Variants in TMEM87B observed in about 807,000 individuals in gnomAD.
TMEM87B encodes transmembrane protein 87B.
Under a neutral mutation model 80.3 loss-of-function variants are expected in TMEM87B, and 83 were observed. That is an observed-to-expected ratio of 1.03 (90% CI 0.87 to 1.24). The LOEUF is 1.24. TMEM87B is among the 50% of genes most tolerant of loss of function. TMEM87B has a pLI of 0.00. For synonymous variants in TMEM87B, 219 were observed against 230.5 expected (o/e 0.95, Z 0.45); for missense variants, 625 against 674.4 (o/e 0.93, Z 0.81).
At chr2:112,060,742 G>A (rs899351247) in intron 2 of TMEM87B, among the ~76,000 whole-genome samples, 1 of 151,926 alleles carries the variant, frequency 6.6e-6, no homozygotes, top group African/African-American at 2.4e-5. Context: ...TCACCATGTT[G>A]GCCAGGCTGG....
At chr2:112,059,384 AG>A (rs1350211147) in intron 1 of TMEM87B, among the ~76,000 whole-genome samples, 1 of 151,648 alleles carries the variant, frequency 6.6e-6, no homozygotes, top group Non-Finnish European at 1.5e-5. Flanking sequence ...TGGGCTTTGA[AG>A]GGTGAGAAGG....
At chr2:112,101,133 T>G (rs775321313) in intron 15 of TMEM87B, among the ~76,000 whole-genome samples, 1 of 152,200 alleles carries the variant, frequency 6.6e-6, no homozygotes, top group African/African-American at 2.4e-5. Flanking sequence ...TACATAGCAT[T>G]TTATCATTTT....
chr2:112,113,442 G>C (rs1679975694), intron 18 of TMEM87B, among the ~76,000 whole-genome samples: 1 of 152,344 alleles, frequency 6.6e-6, no homozygotes. Flanking sequence ...ACGAGTGGAG[G>C]GAAGTTAGTG....
intron 18 of TMEM87B, 55 bp from the exon 19 acceptor site, chr2:112,116,029 G>A: frequency 6.8e-7 from 1 of 1,464,114 alleles, no homozygotes; most frequent in South Asian, 1.2e-5. Flanking sequence ...ATTTTTGTTA[G>A]GGTTCTGGAA....
chr2:112,107,319 C>T (rs1462460452), intron 16 of TMEM87B, among the ~76,000 whole-genome samples: 2 of 144,872 alleles, frequency 1.4e-5, no homozygotes, highest in Non-Finnish European at 3.0e-5. Context: ...GATCACACCG[C>T]TGCACTCCAG....
At chr2:112,090,106 T>C (rs966905215) in intron 10 of TMEM87B, among the ~76,000 whole-genome samples, 2 of 152,220 alleles carry the variant, frequency 1.3e-5, no homozygotes, top group African/African-American at 2.4e-5. Context: ...CAGGTATACA[T>C]ACAGTACATT....
chr2:112,103,083 A>G (rs1466781584), intron 15 of TMEM87B, among the ~76,000 whole-genome samples: 1 of 152,238 alleles, frequency 6.6e-6, no homozygotes, highest in Non-Finnish European at 1.5e-5. Flanking sequence ...GAAAAGAAAA[A>G]GTACGGTAGA....
chr2:112,087,997 C>G (rs1679196656), intron 9 of TMEM87B, among the ~76,000 whole-genome samples: 1 of 152,232 alleles, frequency 6.6e-6, no homozygotes, highest in South Asian at 2.1e-4. Context: ...TCCTCTGCTG[C>G]ACCCTCCTGT....
chr2:112,095,079 C>A (rs1679417964), intron 11 of TMEM87B: 1 of 731,496 alleles, frequency 1.4e-6, no homozygotes, highest in African/African-American at 1.9e-5. Context: ...AATTCAAAAG[C>A]CATAGCCTTA....
At chr2:112,083,455 A>G (rs1166441381) in intron 8 of TMEM87B, among the ~76,000 whole-genome samples, 4 of 152,258 alleles carry the variant, frequency 2.6e-5, no homozygotes, top group Non-Finnish European at 5.9e-5. Context: ...AGTGCTCAGT[A>G]GCCACAGGTG....
chr2:112,069,200 A>G lies in TMEM87B; in HGVS notation c.450+2133A>G, dbSNP rs184623985. The stretch of plus-strand genomic sequence containing the variant: ...GGCGACAGAGCGAGACTCCGTCTCA[A>G]AAAAAAAAAAAAAAAAAAAAACTCA... On this transcript the variant is annotated intron_variant, in intron 4 of 18. Coordinates refer to ENST00000283206, the MANE Select transcript of TMEM87B (RefSeq NM_032824.3). Among the ~76,000 whole-genome samples the G allele has an allele frequency of 2.1e-3, 306 of 147,598 alleles. 1 individual carries two copies. The highest frequency in any genetic ancestry group is 7.4e-3 in the African/African-American group (295 of 40,014).
At chr2:112,096,081 A>T (rs1393247985) in intron 11 of TMEM87B, among the ~76,000 whole-genome samples, 1 of 150,716 alleles carries the variant, frequency 6.6e-6, no homozygotes, top group Non-Finnish European at 1.5e-5. Flanking sequence ...TCCCCACTGG[A>T]CTTAGGTAAG....
At chr2:112,068,493 A>G (rs1377431277) in intron 4 of TMEM87B, among the ~76,000 whole-genome samples, 1 of 152,166 alleles carries the variant, frequency 6.6e-6, no homozygotes, top group East Asian at 1.9e-4. Flanking sequence ...TCATGAGGTC[A>G]GGAGATCGAG....
At chr2:112,066,478 A>G (rs1355474072) in intron 3 of TMEM87B, among the ~76,000 whole-genome samples, 1 of 152,222 alleles carries the variant, frequency 6.6e-6, no homozygotes, top group Non-Finnish European at 1.5e-5. Context: ...GATGCCAGGA[A>G]CCTCAGGTAG....
chr2:112,083,028 C>T (rs1201964065), intron 8 of TMEM87B, among the ~76,000 whole-genome samples: 3 of 152,180 alleles, frequency 2.0e-5, no homozygotes, highest in Admixed American at 1.3e-4. Flanking sequence ...TCTGATTTTC[C>T]CAAGTGGGAA....
chr2:112,118,450 T>C lies in TMEM87B; in HGVS notation c.*2307T>C, dbSNP rs1343379501. On this transcript the variant is annotated 3_prime_UTR_variant, in exon 19 of 19. Coordinates refer to ENST00000283206, the MANE Select transcript of TMEM87B (RefSeq NM_032824.3). The stretch of plus-strand genomic sequence containing the variant: ...CTGTTAGTGAGGATACGGGTCTGGT[T>C]TGATGTTTTTCTAGGCAAAATGCTT... 2 of 152,210 alleles carry C rather than the reference T, an allele frequency of 1.3e-5. No homozygotes were observed. 9.4% of individuals were successfully genotyped at this position (152,210 alleles called of 1,614,324 possible). A position where few individuals can be genotyped will look rare whatever the true frequency, so the allele number is the denominator to read the frequency against.
chr2:112,091,243 A>G (rs1679290422), intron 10 of TMEM87B, among the ~76,000 whole-genome samples: 1 of 151,566 alleles, frequency 6.6e-6, no homozygotes, highest in South Asian at 2.1e-4. Context: ...TCCATCTCAA[A>G]AAAAAAAAAA....
intron 5 of TMEM87B, among the ~76,000 whole-genome samples, chr2:112,076,207 G>A (rs1053083682): frequency 2.0e-5 from 3 of 151,996 alleles, no homozygotes; most frequent in Admixed American, 2.0e-4. Context: ...AGACAAGATC[G>A]CACCATTGCA....
At chr2:112,099,340 A>C (rs1679562452) in intron 14 of TMEM87B, among the ~76,000 whole-genome samples, 6 of 152,084 alleles carry the variant, frequency 3.9e-5, no homozygotes, top group Admixed American at 3.9e-4. Flanking sequence ...GGAAGTGCTC[A>C]TTGGAACATT....
Sources: gnomAD v4.1 joint callset for allele counts (sites outside exome capture counted in the v4.1 genomes callset) on GRCh38, gnomAD v4.1.1 for gene constraint, MANE v1.5 for transcripts, NCBI Gene and HGNC (gene_info 2026-07-23, HGNC 2026-07-21) for gene names.